Variants in HS2ST1 observed in about 807,000 individuals in gnomAD.
The protein encoded by HS2ST1 is 2-O-sulfotransferase.
A neutral mutation model predicts 42.9 loss-of-function variants in HS2ST1; 18 were observed. That is an observed-to-expected ratio of 0.42 (90% CI 0.29 to 0.62). The LOEUF is 0.62. HS2ST1 is among the 20% of genes least tolerant of loss of function. HS2ST1 has a pLI of 0.21. For synonymous variants in HS2ST1, 146 were observed against 152.9 expected (o/e 0.95, Z 0.33); for missense variants, 334 against 433.8 (o/e 0.77, Z 2.04).
chr1:86,989,814 TG>T (rs1648891297), intron 1 of HS2ST1, among the ~76,000 whole-genome samples: 1 of 152,140 alleles, frequency 6.6e-6, no homozygotes, highest in South Asian at 2.1e-4. Flanking sequence ...AGTGAGAACA[TG>T]TGATGTTTGG....
intron 1 of HS2ST1, among the ~76,000 whole-genome samples, chr1:86,941,028 T>A (rs1660748883): frequency 6.6e-6 from 1 of 152,148 alleles, no homozygotes; most frequent in African/African-American, 2.4e-5. Flanking sequence ...AAGCTACTCA[T>A]GAGCCATCTA....
At chr1:87,007,756 T>C (rs890806330) in intron 1 of HS2ST1, among the ~76,000 whole-genome samples, 1 of 152,208 alleles carries the variant, frequency 6.6e-6, no homozygotes, top group Non-Finnish European at 1.5e-5. Context: ...TAATGCAGAA[T>C]ACCATTTCAA....
intron 1 of HS2ST1, among the ~76,000 whole-genome samples, chr1:87,052,401 A>T (rs1235161883): frequency 2.0e-5 from 3 of 152,202 alleles, no homozygotes; most frequent in Non-Finnish European, 4.4e-5. Flanking sequence ...TTCCTAGATG[A>T]ATATCTTTAA....
intron 1 of HS2ST1, among the ~76,000 whole-genome samples, chr1:87,032,525 TTTA>T (rs1175767421): frequency 2.6e-5 from 4 of 152,142 alleles, no homozygotes; most frequent in Non-Finnish European, 5.9e-5. Flanking sequence ...AACTCCCTTT[TTTA>T]TTATTATGAT....
At chr1:86,973,340 A>G (rs1648293602) in intron 1 of HS2ST1, among the ~76,000 whole-genome samples, 1 of 152,022 alleles carries the variant, frequency 6.6e-6, no homozygotes, top group Non-Finnish European at 1.5e-5. Context: ...TTTATCATTC[A>G]ATGATCAAGT....
At chr1:87,050,577 T>C (rs1650805290) in intron 1 of HS2ST1, among the ~76,000 whole-genome samples, 1 of 152,086 alleles carries the variant, frequency 6.6e-6, no homozygotes, top group Admixed American at 6.5e-5. Flanking sequence ...TCAACAAATG[T>C]TGACTCCAGT....
At chr1:86,942,920 AT>A (rs143439624) in intron 1 of HS2ST1, among the ~76,000 whole-genome samples, 23,841 of 151,660 alleles carry the variant, frequency 0.16, 2,160 homozygotes, top group African/African-American at 0.25. Context: ...GTCATCCTTG[AT>A]TTTTTTTCCC....
At chr1:86,997,720 A>G (rs1211737879) in intron 1 of HS2ST1, among the ~76,000 whole-genome samples, 1 of 152,192 alleles carries the variant, frequency 6.6e-6, no homozygotes, top group Non-Finnish European at 1.5e-5. Flanking sequence ...CTCTATGTGC[A>G]GTGTCAGTTA....
Position 87,092,643 on chromosome 1 carries a change from C to T in HS2ST1, c.562C>T (p.Arg188Trp). Residue 188 changes from arginine (R) to tryptophan (W), a missense_variant, in exon 4 of 7, where the codon CGG (arginine) becomes TGG (tryptophan). Transcript: ENST00000370550. ...RFGDDYRPGLRRRKQGDKKTF... is the reference protein window; with the variant it reads ...RFGDDYRPGLWRRKQGDKKTF... ...TGGAGATGATTATAGACCAGGGTTA[C>T]GGAGACGAAAACAAGGAGACAAAAA... The T allele has an allele frequency of 2.6e-6, 4 of 1,539,900 alleles. No homozygotes were observed. The highest frequency in any genetic ancestry group is 3.5e-6 in the Non-Finnish European group (4 of 1,148,788).
At chr1:87,044,253 A>T (rs1445502401) in intron 1 of HS2ST1, among the ~76,000 whole-genome samples, 1 of 152,074 alleles carries the variant, frequency 6.6e-6, no homozygotes, top group Non-Finnish European at 1.5e-5. Context: ...ATTACTATTT[A>T]TTTATTTATT....
chr1:87,042,272 G>C (rs1298243447), intron 1 of HS2ST1, among the ~76,000 whole-genome samples: 2 of 152,042 alleles, frequency 1.3e-5, no homozygotes, highest in African/African-American at 2.4e-5. Context: ...CGATCTTGTA[G>C]GTTGCCATTT....
intron 1 of HS2ST1, among the ~76,000 whole-genome samples, chr1:86,981,872 G>T (rs1003084989): frequency 6.6e-6 from 1 of 152,244 alleles, no homozygotes; most frequent in East Asian, 1.9e-4. Context: ...CCCCAGTGGG[G>T]ACTCTCTGTT....
intron 5 of HS2ST1, chr1:87,098,382 A>G: frequency 2.2e-6 from 2 of 915,094 alleles, no homozygotes; most frequent in Non-Finnish European, 2.6e-6. Flanking sequence ...GCTGTGGTTT[A>G]GTTTGCTAGT....
At chr1:86,963,812 A>G (rs1647940119) in intron 1 of HS2ST1, among the ~76,000 whole-genome samples, 1 of 130,992 alleles carries the variant, frequency 7.6e-6, no homozygotes, top group East Asian at 2.7e-4. Context: ...CCCCCCCTGG[A>G]CGGGGCGGCT....
chr1:86,964,364 A>G (rs1647971531), intron 1 of HS2ST1, among the ~76,000 whole-genome samples: 1 of 152,230 alleles, frequency 6.6e-6, no homozygotes, highest in Admixed American at 6.5e-5. Flanking sequence ...CACTGAATGA[A>G]CGAGACTCTG....
chr1:87,034,671 G>C (rs9970191), intron 1 of HS2ST1, among the ~76,000 whole-genome samples: 18,617 of 152,142 alleles, frequency 0.12, 1,225 homozygotes, highest in African/African-American at 0.14. Context: ...ACAGTGTAAA[G>C]TATATGTACG....
intron 1 of HS2ST1, among the ~76,000 whole-genome samples, chr1:86,994,920 A>G (rs188144422): frequency 1.3e-5 from 2 of 152,294 alleles, no homozygotes; most frequent in Admixed American, 6.5e-5. Flanking sequence ...CAAATTTCAA[A>G]TCATCCTTTT....
intron 1 of HS2ST1, among the ~76,000 whole-genome samples, chr1:87,022,210 T>TA (rs1439761342): frequency 6.6e-6 from 1 of 152,204 alleles, no homozygotes; most frequent in Non-Finnish European, 1.5e-5. Flanking sequence ...TTCATTACAT[T>TA]AAAAAATTCA....
chr1:87,000,180 T>C (rs541703940), intron 1 of HS2ST1, among the ~76,000 whole-genome samples: 1 of 152,178 alleles, frequency 6.6e-6, no homozygotes, highest in South Asian at 2.1e-4. Flanking sequence ...TAGTCTTACC[T>C]TTAAGTACAT....
Sources: allele counts gnomAD v4.1 joint callset (sites outside exome capture counted in the v4.1 genomes callset), GRCh38; gene constraint gnomAD v4.1.1; transcripts MANE v1.5; gene names NCBI Gene and HGNC (gene_info 2026-07-23, HGNC 2026-07-21).